Variants in ZBTB20 observed in about 807,000 individuals in gnomAD.
ZBTB20 encodes zinc finger and BTB domain-containing protein 20.
In ZBTB20, 9 loss-of-function variants were observed where a neutral mutation model predicts 56.9. The ratio of observed to expected loss-of-function variants is 0.16; its 90% CI spans 0.10 to 0.28. ZBTB20 has a LOEUF of 0.28. Ranked by LOEUF, ZBTB20 falls within the 10% of genes least tolerant of loss-of-function variation. ZBTB20 has a pLI of 1.00. For missense variants in ZBTB20, 655 were observed against 1,003.0 expected (o/e 0.65, Z 4.69); for synonymous variants, 417 against 420.7 (o/e 0.99, Z 0.11).
intron 1 of ZBTB20, among the ~76,000 whole-genome samples, chr3:115,133,537 T>C (rs2084570075): frequency 6.6e-6 from 1 of 152,146 alleles, no homozygotes; most frequent in Non-Finnish European, 1.5e-5. Context: ...ACTCCCCATT[T>C]TTCCTTCTCC....
chr3:114,799,287 C>G (rs984854572), intron 5 of ZBTB20, among the ~76,000 whole-genome samples: 11 of 151,808 alleles, frequency 7.2e-5, no homozygotes, highest in Admixed American at 4.6e-4. Flanking sequence ...AAACACACAA[C>G]TTAAGTGGAA....
Position 114,351,649 on chromosome 3 carries a change from C to T in ZBTB20, c.429G>A (p.Pro143=), listed in dbSNP as rs919175355. The stretch of plus-strand genomic sequence containing the variant: ...GCACTGACTGCACTGACACCACCGA[C>T]GGGATCTCGATGTCGCTGTAGCCAA... The part of the protein sequence containing the change: ...LLLGYSDIEI[P]SVVSVQSVQK... Residue 143 remains proline, a synonymous_variant, in exon 11 of 12, where the codon CCG becomes CCA. Coordinates refer to ENST00000675478, the MANE Select transcript of ZBTB20 (RefSeq NM_001348800.3). 1.9e-6 allele frequency: 3 copies of T among 1,614,158 alleles called. No homozygotes were observed. Among genetic ancestry groups the T allele is most frequent in the South Asian group, 1.1e-5 (1 of 91,082 alleles).
intron 5 of ZBTB20, among the ~76,000 whole-genome samples, chr3:114,783,112 A>T (rs1428405889): frequency 1.3e-5 from 2 of 152,204 alleles, no homozygotes; most frequent in Non-Finnish European, 1.5e-5. Flanking sequence ...AAGACAGAAT[A>T]AAGTCTCTGC....
chr3:115,084,619 A>C (rs1258158574), intron 1 of ZBTB20, among the ~76,000 whole-genome samples: 1 of 151,998 alleles, frequency 6.6e-6, no homozygotes, highest in African/African-American at 2.4e-5. Flanking sequence ...TTGCATTAAG[A>C]TAGATCCCTA....
chr3:114,592,086 C>G (rs2055824328), intron 6 of ZBTB20, among the ~76,000 whole-genome samples: 1 of 152,168 alleles, frequency 6.6e-6, no homozygotes, highest in Non-Finnish European at 1.5e-5. Context: ...TCTAGATTAT[C>G]AAGCCAGAAT....
chr3:114,601,569 A>G (rs1246231829), intron 6 of ZBTB20, among the ~76,000 whole-genome samples: 1 of 152,038 alleles, frequency 6.6e-6, no homozygotes, highest in Non-Finnish European at 1.5e-5. Flanking sequence ...AAGGGCAAAT[A>G]AATAGATGAT....
chr3:115,110,589 A>G (rs2083848835), intron 1 of ZBTB20, among the ~76,000 whole-genome samples: 1 of 152,238 alleles, frequency 6.6e-6, no homozygotes, highest in African/African-American at 2.4e-5. Flanking sequence ...ATTTGAAATG[A>G]ATTACATTAA....
intron 7 of ZBTB20, among the ~76,000 whole-genome samples, chr3:114,419,501 G>T (rs2088923218): frequency 6.6e-6 from 1 of 152,046 alleles, no homozygotes; most frequent in Admixed American, 6.6e-5. Flanking sequence ...TCACATTGAG[G>T]CTGCTTTTCA....
At chr3:114,584,417 C>A (rs2054965499) in intron 6 of ZBTB20, among the ~76,000 whole-genome samples, 1 of 151,982 alleles carries the variant, frequency 6.6e-6, no homozygotes, top group African/African-American at 2.4e-5. Context: ...TGATGAAATT[C>A]CATTTACAAT....
chr3:114,596,130 G>C (rs1394310414), intron 6 of ZBTB20, among the ~76,000 whole-genome samples: 1 of 151,968 alleles, frequency 6.6e-6, no homozygotes, highest in Non-Finnish European at 1.5e-5. Flanking sequence ...AAGCTATAGA[G>C]ACTTCACCTA....
At chr3:115,074,732 T>C (rs1304440494) in intron 1 of ZBTB20, among the ~76,000 whole-genome samples, 1 of 152,104 alleles carries the variant, frequency 6.6e-6, no homozygotes. Flanking sequence ...CTTGAGAGAG[T>C]TATCAGACCA....
rs2074245858 is a variant in ZBTB20, at chr3:114,838,900, T to G, written c.-416-37726A>C. 1.3e-5 allele frequency among the ~76,000 whole-genome samples: 2 copies of G among 152,124 alleles called. 1 individual carries two copies. The highest frequency in any genetic ancestry group is 1.3e-4 in the Admixed American group (2 of 15,272). On this transcript the variant is annotated intron_variant, in intron 4 of 11. Coordinates refer to ENST00000675478, the MANE Select transcript of ZBTB20 (RefSeq NM_001348800.3). ...GTCTTTAAACTTATTTACTGATGTT[T>G]CCATTTACAACCAAATGGGGTAGAT...
At chr3:114,535,664 C>T (rs2048377169) in intron 6 of ZBTB20, among the ~76,000 whole-genome samples, 2 of 152,110 alleles carry the variant, frequency 1.3e-5, no homozygotes, top group Non-Finnish European at 1.5e-5. Context: ...ATCCTGATAC[C>T]AAAACCTGGC....
At chr3:114,373,313 A>C (rs1356149167) in intron 10 of ZBTB20, among the ~76,000 whole-genome samples, 3 of 152,184 alleles carry the variant, frequency 2.0e-5, no homozygotes, top group Non-Finnish European at 2.9e-5. Flanking sequence ...TATATTTGGA[A>C]AGCAAATGTC....
chr3:115,032,580 T>C (rs533752197), intron 2 of ZBTB20, among the ~76,000 whole-genome samples: 1 of 151,440 alleles, frequency 6.6e-6, no homozygotes, highest in Admixed American at 6.6e-5. Context: ...AAAAACAGAA[T>C]ACGCAATCTT....
chr3:114,683,196 A>C (rs1477959243), intron 6 of ZBTB20, among the ~76,000 whole-genome samples: 2 of 152,172 alleles, frequency 1.3e-5, no homozygotes, highest in Non-Finnish European at 2.9e-5. Context: ...TTGGTTAAAA[A>C]GGAGTAGGCT....
chr3:115,016,583 C>G (rs556055353), intron 2 of ZBTB20, among the ~76,000 whole-genome samples: 1 of 151,748 alleles, frequency 6.6e-6, no homozygotes, highest in Non-Finnish European at 1.5e-5. Flanking sequence ...TTCCCCATTG[C>G]TTGTTTTTGT....
Position 114,333,775 on chromosome 3 carries a change from C to G in ZBTB20, c.*5230G>C, listed in dbSNP as rs1465819498. 1.3e-5 allele frequency: 2 copies of G among 152,150 alleles called. No homozygotes were observed. The highest frequency in any genetic ancestry group is 2.4e-5 in the African/African-American group (1 of 41,422). 9.4% of individuals were successfully genotyped at this position (152,150 alleles called of 1,614,324 possible). ...AGCCAGAAATCACTGAAAAGAGAGT[C>G]TGTCGACCCTGCCCATGGAAAAGCC... On this transcript the variant is annotated 3_prime_UTR_variant, in exon 12 of 12. Coordinates refer to ENST00000675478, the MANE Select transcript of ZBTB20 (RefSeq NM_001348800.3).
At chr3:114,552,378 C>T (rs545996471) in intron 6 of ZBTB20, among the ~76,000 whole-genome samples, 1 of 151,560 alleles carries the variant, frequency 6.6e-6, no homozygotes, top group East Asian at 1.9e-4. Flanking sequence ...AAAAAGATCA[C>T]AAAATCAAGG....
Sources: allele counts gnomAD v4.1 joint callset (sites outside exome capture counted in the v4.1 genomes callset), GRCh38; gene constraint gnomAD v4.1.1; transcripts MANE v1.5; gene names NCBI Gene and HGNC (gene_info 2026-07-23, HGNC 2026-07-21).